Variants in SRL observed in about 807,000 individuals in gnomAD.
SRL encodes sarcalumenin.
Under a neutral mutation model 39.5 loss-of-function variants are expected in SRL, and 23 were observed. That is an observed-to-expected ratio of 0.58 (90% CI 0.42 to 0.82). The LOEUF (loss-of-function observed/expected upper bound fraction) is 0.82, where lower values mean the gene tolerates loss of function less well. Among genes scored for constraint, SRL ranks in the 40% least tolerant of loss-of-function variants. The pLI, the probability that SRL is intolerant of heterozygous loss-of-function variation, is 0.00. For synonymous variants in SRL, 272 were observed against 237.4 expected (o/e 1.15, Z -1.34); for missense variants, 592 against 607.8 (o/e 0.97, Z 0.27).
intron 1 of SRL, chr16:4,206,909 T>TTCCCTGGCTTCCTGGGGC (rs1029248877): frequency 4.4e-6 from 2 of 455,978 alleles, no homozygotes; most frequent in Non-Finnish European, 8.8e-6. Context: ...CTTCCTGGGG[T>TTCCCTGGCTTCCTGGGGC]TCCCTGGCTT....
chr16:4,230,481 A>G (rs548634911), intron 1 of SRL, among the ~76,000 whole-genome samples: 1 of 151,674 alleles, frequency 6.6e-6, no homozygotes, highest in East Asian at 1.9e-4. Context: ...CCCGGGTTCA[A>G]GCGATTCTCC....
chr16:4,225,739 T>C (rs1241042021), intron 1 of SRL, among the ~76,000 whole-genome samples: 1 of 152,108 alleles, frequency 6.6e-6, no homozygotes, highest in Non-Finnish European at 1.5e-5. Context: ...TGTCACCCTT[T>C]CCCGAGCTGC....
intron 1 of SRL, among the ~76,000 whole-genome samples, chr16:4,209,635 T>C (rs1332129742): frequency 6.6e-6 from 1 of 152,206 alleles, no homozygotes; most frequent in Non-Finnish European, 1.5e-5. Context: ...GGAGCAAATA[T>C]TTTCTCATTA....
rs2052260425 is a variant in SRL, at chr16:4,203,156, C to G, written c.259+10G>C. The G allele has an allele frequency of 1.9e-6, 3 of 1,613,314 alleles. No individual in the cohort carries two copies. The highest frequency in any genetic ancestry group is 2.5e-6 in the Non-Finnish European group (3 of 1,179,214). On this transcript the variant is annotated intron_variant, in intron 3 of 5. Transcript: ENST00000399609. ...TAATCTCAAGCCCTACCTGTTATCT[C>G]AAGCCCTACCTGTGATCTCATGCTG...
In SRL at chr16:4,190,724, G is replaced by C. The variant is rs1456683450; in HGVS notation, c.*1429C>G. The C allele has an allele frequency of 1.7e-5, 6 of 363,020 alleles. No homozygotes were observed. Among genetic ancestry groups the C allele is most frequent in the Admixed American group, 9.3e-5 (2 of 21,500 alleles). 22.5% of individuals were successfully genotyped at this position (363,020 alleles called of 1,614,324 possible). A position where few individuals can be genotyped will look rare whatever the true frequency, so the allele number is the denominator to read the frequency against. ...GTGTTCAGTGGACATCTGCATCAAGGTCAGGCGGGAAGGTCAATGTTAAGC... is the reference window on the plus strand; with the variant it reads ...GTGTTCAGTGGACATCTGCATCAAGCTCAGGCGGGAAGGTCAATGTTAAGC... On this transcript the variant is annotated 3_prime_UTR_variant, in exon 6 of 6. Coordinates refer to ENST00000399609, the MANE Select transcript of SRL (RefSeq NM_001098814.2).
At chr16:4,224,157 G>A (rs911715909) in intron 1 of SRL, among the ~76,000 whole-genome samples, 8 of 152,074 alleles carry the variant, frequency 5.3e-5, no homozygotes, top group African/African-American at 1.9e-4. Context: ...GAGAGAGAGA[G>A]GAGTAGAAAG....
rs143579672 is a variant in SRL, at chr16:4,218,259, G to A, written c.62-13625C>T. The stretch of plus-strand genomic sequence containing the variant: ...CACCCCAACGCAAACGCGCACTCAG[G>A]AAGTTTAAACAGACCCATTCTAAGG... On this transcript the variant is annotated intron_variant, in intron 1 of 5. Coordinates refer to ENST00000399609, the MANE Select transcript of SRL (RefSeq NM_001098814.2). Among the ~76,000 whole-genome samples the A allele has an allele frequency of 2.8e-3, 424 of 152,242 alleles. 1 individual carries two copies. Among genetic ancestry groups the A allele is most frequent in the Middle Eastern group, 0.01 (3 of 294 alleles).
chr16:4,201,387 G>A (rs993565287), intron 3 of SRL, among the ~76,000 whole-genome samples: 5 of 149,338 alleles, frequency 3.3e-5, no homozygotes, highest in Non-Finnish European at 7.4e-5. Context: ...AGTGATTCTC[G>A]TACCTCAGCT....
intron 1 of SRL, among the ~76,000 whole-genome samples, chr16:4,217,332 C>T (rs181905788): frequency 2.0e-5 from 3 of 152,148 alleles, no homozygotes; most frequent in Non-Finnish European, 4.4e-5. Flanking sequence ...AGCAGTGTGA[C>T]GAAAGCTCAC....
intron 1 of SRL, among the ~76,000 whole-genome samples, chr16:4,236,653 T>C (rs964968440): frequency 5.3e-5 from 8 of 152,078 alleles, no homozygotes; most frequent in Non-Finnish European, 1.2e-4. Context: ...AACTGAACTT[T>C]TTTTTTTTGA....
At chr16:4,197,939 T>G in intron 3 of SRL, 24 bp from the exon 4 acceptor site, 1 of 1,527,218 alleles carries the variant, frequency 6.5e-7, no homozygotes, top group Non-Finnish European at 9.1e-7. Flanking sequence ...GAAGTAGAAA[T>G]GGAATAAAAC....
At chr16:4,209,767 G>A (rs1486258326) in intron 1 of SRL, among the ~76,000 whole-genome samples, 1 of 152,140 alleles carries the variant, frequency 6.6e-6, no homozygotes, top group Non-Finnish European at 1.5e-5. Context: ...TCATATGCAT[G>A]GCCATTTAAC....
chr16:4,220,372 C>T (rs968373588), intron 1 of SRL, among the ~76,000 whole-genome samples: 9 of 151,542 alleles, frequency 5.9e-5, no homozygotes, highest in Admixed American at 1.3e-4. Context: ...TGCTTGAACC[C>T]GGGAGGTGGA....
intron 1 of SRL, chr16:4,207,925 T>C (rs2052344811): frequency 2.2e-6 from 1 of 456,582 alleles, no homozygotes; most frequent in South Asian, 1.5e-5. Flanking sequence ...GCGGGGGTCT[T>C]CTTGGGGCTC....
At chr16:4,211,781 A>G (rs60533028) in intron 1 of SRL, among the ~76,000 whole-genome samples, 79,099 of 145,270 alleles carry the variant, frequency 0.54, 22,502 homozygotes, top group African/African-American at 0.69. Flanking sequence ...GGTGGTGACT[A>G]TGCTGATGAT....
rs1378799716 is a variant in SRL at position 4,192,485 on chromosome 16, C to A, written c.1090G>T (p.Gly364Ter). ...ACAATGTCCTTAAAGACCAGTTCTC[C>A]ATCACTGAAGAAGGTCATTTTGTCC... ...YKDKMTFFSD[G>*]ELVFKDIVED... Residue 364 changes from glycine to a stop codon, truncating the protein, a stop_gained, in exon 6 of 6, where the codon GGA (glycine) becomes TGA (stop). Coordinates refer to ENST00000399609, the MANE Select transcript of SRL (RefSeq NM_001098814.2). LOFTEE classifies it high-confidence loss of function. The surrounding 1 kb of genome is among the most constrained non-coding windows in gnomAD (Gnocchi z 4.0). The A allele has an allele frequency of 6.2e-7, 1 of 1,614,174 alleles. No homozygotes were observed.
rs772821735 is a variant in SRL, at chr16:4,204,573, G to C, written c.123C>G (p.Thr41=). 2 of 1,614,086 alleles carry C rather than the reference G, an allele frequency of 1.2e-6. No individual in the cohort carries two copies. The highest frequency in any genetic ancestry group is 1.7e-6 in the Non-Finnish European group (2 of 1,180,044). ...ATGGCTTGTCCTCATTCAGCATGAG[G>C]GTCTTCTCGATGTGGGAGCGGTCCC... ...PLRDRSHIEK[T]LMLNEDKPSD... The change falls in exon 2 of 6, where the codon ACC becomes ACG. Residue 41 remains threonine, a synonymous_variant. Transcript: ENST00000399609.
chr16:4,212,956 A>G (rs910962130), intron 1 of SRL, among the ~76,000 whole-genome samples: 6 of 152,232 alleles, frequency 3.9e-5, no homozygotes, highest in Non-Finnish European at 8.8e-5. Context: ...ACATGGACTC[A>G]GAGGACTATG....
At chr16:4,196,160 C>T (rs376012491) in intron 4 of SRL, among the ~76,000 whole-genome samples, 4 of 152,080 alleles carry the variant, frequency 2.6e-5, no homozygotes, top group Admixed American at 6.6e-5. Context: ...AGAGTTTCAC[C>T]GTGTTGGCCA....
Sources: gnomAD v4.1 joint callset for allele counts (sites outside exome capture counted in the v4.1 genomes callset) on GRCh38, gnomAD v4.1.1 for gene constraint, Gnocchi (gnomAD v3.1) non-coding constraint, MANE v1.5 for transcripts, NCBI Gene and HGNC (gene_info 2026-07-23, HGNC 2026-07-21) for gene names.